SNX29: variants seen among roughly 807,000 people sequenced by gnomAD.
SNX29 encodes the protein sorting nexin-29.
SNX29 carries 78 observed loss-of-function variants against 102.1 expected under a neutral mutation model. That is an observed-to-expected ratio of 0.76 (90% CI 0.64 to 0.92). SNX29 has a LOEUF of 0.92. Ranked by LOEUF, SNX29 falls within the 40% of genes least tolerant of loss-of-function variation. The probability of loss-of-function intolerance (pLI) is 0.00; values close to 1 mark genes in which losing one functional copy is unlikely to be tolerated. For synonymous variants in SNX29, 580 were observed against 414.5 expected (o/e 1.40, Z -4.85); for missense variants, 1,280 against 1,061.7 (o/e 1.21, Z -2.86).
chr16:12,342,491 G>C (rs1036367256), intron 15 of SNX29, among the ~76,000 whole-genome samples: 4 of 152,150 alleles, frequency 2.6e-5, no homozygotes, highest in African/African-American at 4.8e-5. Flanking sequence ...CCATGTTGTT[G>C]TTTTAAACTA....
At position 12,201,858 on chromosome 16, in the gene SNX29, C is replaced by A. The variant is rs147985901; in HGVS notation, c.1678+2175C>A. Among the ~76,000 whole-genome samples the A allele has an allele frequency of 2.6e-5, 4 of 152,290 alleles. No individual in the cohort carries two copies. In the East Asian group the frequency reaches 7.7e-4, roughly 29 times the overall value. ...CTTGCTTTTGATTTGAAAACCTCAG[C>A]GCTACACAATGCATTTCTAAGTAGG... On this transcript the variant is annotated intron_variant, in intron 14 of 20. Transcript: ENST00000566228.
At chr16:12,022,567 A>T (rs188461612) in intron 3 of SNX29, among the ~76,000 whole-genome samples, 4 of 152,130 alleles carry the variant, frequency 2.6e-5, no homozygotes, top group Non-Finnish European at 5.9e-5. Flanking sequence ...GTTTTAGAGC[A>T]TTTCCATTAT....
intron 20 of SNX29, among the ~76,000 whole-genome samples, chr16:12,543,647 GTCTC>G (rs2077447370): frequency 6.6e-6 from 1 of 151,934 alleles, no homozygotes; most frequent in African/African-American, 2.4e-5. Context: ...GGTGCCGTCT[GTCTC>G]CAGACGCTCT....
chr16:12,321,348 C>T (rs2151175491), intron 15 of SNX29, among the ~76,000 whole-genome samples: 1 of 152,280 alleles, frequency 6.6e-6, no homozygotes, highest in South Asian at 2.1e-4. Context: ...CTTCCCAAAC[C>T]CAGTCCGACC....
At chr16:12,338,460 G>A (rs1364883423) in intron 15 of SNX29, among the ~76,000 whole-genome samples, 2 of 152,180 alleles carry the variant, frequency 1.3e-5, no homozygotes, top group Admixed American at 6.5e-5. Flanking sequence ...CCCCTCTTAG[G>A]TTCTCACCGT....
intron 14 of SNX29, among the ~76,000 whole-genome samples, chr16:12,218,383 A>G (rs548508801): frequency 2.0e-5 from 3 of 151,984 alleles, no homozygotes; most frequent in African/African-American, 7.2e-5. Context: ...ATTACAGTCT[A>G]TGTCAGGAGT....
At chr16:12,562,662 A>G (rs937366943) in intron 20 of SNX29, among the ~76,000 whole-genome samples, 2 of 152,154 alleles carry the variant, frequency 1.3e-5, no homozygotes, top group African/African-American at 2.4e-5. Context: ...TTATGTCGGG[A>G]AAGTCTAGAT....
At chr16:12,454,157 C>T (rs1397123070) in intron 18 of SNX29, among the ~76,000 whole-genome samples, 1 of 152,148 alleles carries the variant, frequency 6.6e-6, no homozygotes, top group Non-Finnish European at 1.5e-5. Context: ...CATGCCTTGC[C>T]TTTCTGCTTC....
chr16:12,417,628 T>C (rs12923656), intron 18 of SNX29, among the ~76,000 whole-genome samples: 116,282 of 151,726 alleles, frequency 0.77, 45,579 homozygotes, highest in African/African-American at 0.94. Context: ...CCCTGTTCCT[T>C]GTCATTCCTT....
chr16:12,566,395 G>C (rs141231992), intron 20 of SNX29, among the ~76,000 whole-genome samples: 1 of 142,126 alleles, frequency 7.0e-6, no homozygotes, highest in South Asian at 2.3e-4. Context: ...GCCTCTCCCA[G>C]GCACTCTCAG....
At chr16:12,099,665 A>G (rs1036440741) in intron 11 of SNX29, among the ~76,000 whole-genome samples, 1 of 152,028 alleles carries the variant, frequency 6.6e-6, no homozygotes, top group African/African-American at 2.4e-5. Flanking sequence ...ACCCTTTTGT[A>G]TTCAGACTCC....
chr16:12,274,458 AT>A (rs1282793748), intron 14 of SNX29, among the ~76,000 whole-genome samples: 7 of 149,256 alleles, frequency 4.7e-5, no homozygotes, highest in Admixed American at 1.3e-4. Context: ...TATATCTTTG[AT>A]TTCCTCTTCT....
intron 18 of SNX29, among the ~76,000 whole-genome samples, chr16:12,476,387 T>A (rs866811140): frequency 0.056 from 633 of 11,388 alleles, 41 homozygotes; most frequent in Non-Finnish European, 0.063. Flanking sequence ...AAAAAAAATA[T>A]ATATATATAT....
At chr16:12,384,292 T>C (rs1281839930) in intron 16 of SNX29, among the ~76,000 whole-genome samples, 1 of 152,186 alleles carries the variant, frequency 6.6e-6, no homozygotes, top group Admixed American at 6.5e-5. Flanking sequence ...TTGAGAAACG[T>C]CCAAATTTTC....
At chr16:12,531,447 G>A (rs1021629294) in intron 20 of SNX29, among the ~76,000 whole-genome samples, 1 of 152,210 alleles carries the variant, frequency 6.6e-6, no homozygotes, top group African/African-American at 2.4e-5. Context: ...GACCCAGATG[G>A]CCAAGAGGAA....
intron 13 of SNX29, among the ~76,000 whole-genome samples, chr16:12,195,175 A>G (rs1202172944): frequency 2.0e-5 from 3 of 152,224 alleles, no homozygotes; most frequent in African/African-American, 7.2e-5. Flanking sequence ...GTGTGTGTGT[A>G]TATACGTAAT....
intron 14 of SNX29, among the ~76,000 whole-genome samples, chr16:12,271,477 G>C (rs2079090711): frequency 6.6e-6 from 1 of 152,190 alleles, no homozygotes; most frequent in African/African-American, 2.4e-5. Flanking sequence ...GCCATAGTCT[G>C]TTTATTGGAG....
chr16:12,285,430 G>T (rs1418724227), intron 15 of SNX29, among the ~76,000 whole-genome samples: 1 of 152,100 alleles, frequency 6.6e-6, no homozygotes, highest in Non-Finnish European at 1.5e-5. Context: ...GTCTGAGTGT[G>T]GTTAGTCCCT....
At chr16:12,024,912 CT>C (rs745696722) in intron 3 of SNX29, among the ~76,000 whole-genome samples, 2 of 152,088 alleles carry the variant, frequency 1.3e-5, no homozygotes, top group African/African-American at 2.4e-5. Flanking sequence ...AGACAGACCC[CT>C]GATCTAGGTC....
Sources: gnomAD v4.1 joint callset for allele counts (sites outside exome capture counted in the v4.1 genomes callset) on GRCh38, gnomAD v4.1.1 for gene constraint, MANE v1.5 for transcripts, NCBI Gene and HGNC (gene_info 2026-07-23, HGNC 2026-07-21) for gene names.